Variants in ARMC5 observed in about 807,000 individuals in gnomAD.
ARMC5 encodes the protein armadillo repeat-containing protein 5.
In ARMC5, 28 loss-of-function variants were observed where a neutral mutation model predicts 60.5. The ratio of observed to expected loss-of-function variants is 0.46; its 90% CI spans 0.34 to 0.63. The LOEUF (loss-of-function observed/expected upper bound fraction) is 0.63. ARMC5 is among the 30% of genes least tolerant of loss of function. The probability of loss-of-function intolerance (pLI) is 0.01; values close to 1 mark genes in which losing one functional copy is unlikely to be tolerated. For synonymous variants in ARMC5, 680 were observed against 607.3 expected, an observed-to-expected ratio of 1.12 and a Z score of -1.76; for missense variants, 1,189 against 1,304.9, an observed-to-expected ratio of 0.91 and a Z score of 1.37.
upstream of ARMC5, chr16:31,459,217 C>T (rs2082274784): frequency 9.1e-6 from 14 of 1,532,054 alleles, no homozygotes; most frequent in South Asian, 1.7e-4. Flanking sequence ...GTTCGGAGGC[C>T]CTGGCCCACC....
At chr16:31,460,147 C>T in intron 1 of ARMC5, 148 bp downstream of exon 1, 1 of 836,842 alleles carries the variant, frequency 1.2e-6, no homozygotes, top group Non-Finnish European at 1.9e-6. Context: ...TCTGTTGTGC[C>T]CCGTGACGTC....
upstream of ARMC5, chr16:31,458,366 CCACACTAGG>C (rs1180431851): frequency 3.9e-6 from 6 of 1,529,376 alleles, no homozygotes; most frequent in Non-Finnish European, 5.3e-6. Context: ...GAAAGTCTTA[CCACACTAGG>C]CACAGGCATA....
intron 4 of ARMC5, chr16:31,465,414 A>G: frequency 8.7e-7 from 1 of 1,149,038 alleles, no homozygotes; most frequent in Non-Finnish European, 1.2e-6. Context: ...CTCAGCTCCT[A>G]TCTCTGTATG....
At position 31,466,995 on chromosome 16, in the gene ARMC5, G is replaced by T. The variant is rs908876959; in HGVS notation, c.*106G>T. ...CTGAGCAGAAGGAGTCATCATGGAG[G>T]AGCGGTGAGAACATGGAACCGGACT... On this transcript the variant is annotated 3_prime_UTR_variant, in exon 6 of 6. Transcript: ENST00000268314. This position sits in a 1 kb window ranked among gnomAD's most constrained non-coding sequence, Gnocchi z 8.0. 10 of 1,328,876 alleles carry T rather than the reference G, an allele frequency of 7.5e-6. No homozygotes were observed. In the African/African-American group the frequency reaches 1.0e-4, roughly 14 times the overall value. 82.3% of individuals were successfully genotyped at this position (1,328,876 alleles called of 1,614,324 possible). A position where few individuals can be genotyped will look rare whatever the true frequency, so the allele number is the denominator to read the frequency against.
Position 31,464,296 on chromosome 16 carries a change from A to T in ARMC5, c.1371-98A>T. On this transcript the variant is annotated intron_variant, in intron 3 of 5. Coordinates refer to ENST00000268314, the MANE Select transcript of ARMC5 (RefSeq NM_001105247.2). The surrounding 1 kb of genome is among the most constrained non-coding windows in gnomAD (Gnocchi z 7.6). ...TAGAGGGATACCACATTTCTTTAAA[A>T]AAAAAAAAAAAAAAAAAAAAGACGC... The T allele has an allele frequency of 2.9e-5, 23 of 784,094 alleles. No homozygotes were observed. In the African/African-American group the frequency reaches 4.0e-4, roughly 14 times the overall value. 48.6% of individuals were successfully genotyped at this position (784,094 alleles called of 1,614,324 possible). A position where few individuals can be genotyped will look rare whatever the true frequency, so the allele number is the denominator to read the frequency against.
In ARMC5 at chr16:31,461,680, G is replaced by A. The variant is rs557847505; in HGVS notation, c.476-242G>A. Among the ~76,000 whole-genome samples, 6 of 152,242 alleles carry A rather than the reference G, an allele frequency of 3.9e-5. No individual in the cohort carries two copies. The East Asian group carries it at 7.7e-4, about 20-fold the overall frequency. On this transcript the variant is annotated intron_variant, in intron 1 of 5. Coordinates refer to ENST00000268314, the MANE Select transcript of ARMC5 (RefSeq NM_001105247.2). ...GTACCACCATGCCCAGATAATTTTT[G>A]TATTTTTAGTAGAGATGGGGTTTGG...
In ARMC5 at chr16:31,459,597, G is replaced by A. The variant is rs1158409728; in HGVS notation, c.73G>A (p.Glu25Lys). Residue 25 changes from glutamate (E) to lysine (K), a missense_variant, in exon 1 of 6, where the codon GAG (glutamate) becomes AAG (lysine). Coordinates refer to ENST00000268314, the MANE Select transcript of ARMC5 (RefSeq NM_001105247.2). ...CGCGCAGCTCGCGGCGGCGGCCGGG[G>A]AGGCTCTGGGTGGGGAAAAGGACCC... ...CLAQLAAAAG[E>K]ALGGEKDPAT... 1 of 1,601,484 alleles carries A rather than the reference G, an allele frequency of 6.2e-7. No individual in the cohort carries two copies. The highest frequency in any genetic ancestry group is 8.5e-7 in the Non-Finnish European group (1 of 1,179,446).
At chr16:31,460,812 A>C (rs2082298082) in intron 1 of ARMC5, among the ~76,000 whole-genome samples, 1 of 152,230 alleles carries the variant, frequency 6.6e-6, no homozygotes. Flanking sequence ...AAACCAGCAC[A>C]GTAAGAACAA....
chr16:31,459,223 CCACCTGGAGGGCCCTGGAA>C, upstream of ARMC5: 1 of 1,532,160 alleles, frequency 6.5e-7, no homozygotes, highest in Non-Finnish European at 8.7e-7. Context: ...AGGCCCTGGC[CCACCTGGAGGGCCCTGGAA>C]GAGTTTCCAG....
upstream of ARMC5, chr16:31,459,139 C>A: frequency 1.3e-6 from 2 of 1,491,294 alleles, no homozygotes; most frequent in Non-Finnish European, 8.9e-7. Context: ...GGAGAAAAGG[C>A]GGTCCCCGCC....
rs764956231 is a variant in ARMC5 at position 31,466,460 on chromosome 16, A to G, written c.2379A>G (p.Arg793=). ...CCCAGATGGACCTGGTGCCCCTGCGAGGTCTGTCGCCTGGTGCAGCCTGGC... is the reference window on the plus strand; with the variant it reads ...CCCAGATGGACCTGGTGCCCCTGCGGGGTCTGTCGCCTGGTGCAGCCTGGC... ...AEAQMDLVPL[R]GLSPGAAWPV... Residue 793 remains arginine (R), a synonymous_variant, in exon 6 of 6, where the codon CGA becomes CGG. Coordinates refer to ENST00000268314, the MANE Select transcript of ARMC5 (RefSeq NM_001105247.2). This position sits in a 1 kb window ranked among gnomAD's most constrained non-coding sequence, Gnocchi z 8.0. The G allele has an allele frequency of 1.2e-6, 2 of 1,611,552 alleles. No homozygotes were observed. Among genetic ancestry groups the G allele is most frequent in the African/African-American group, 2.7e-5 (2 of 74,924 alleles).
chr16:31,459,328 C>T (rs1292544270), upstream of ARMC5: 3 of 1,535,192 alleles, frequency 2.0e-6, no homozygotes, highest in African/African-American at 2.7e-5. Flanking sequence ...TCCCAGGATG[C>T]GCTGCGATTA....
chr16:31,465,971 C>T lies in ARMC5; in HGVS notation c.1986C>T (p.Pro662=). Residue 662 remains proline, a synonymous_variant, in exon 5 of 6, where the codon CCC becomes CCT. Coordinates refer to ENST00000268314, the MANE Select transcript of ARMC5 (RefSeq NM_001105247.2). The part of the protein sequence containing the change: ...EDRVACALTL[P]FICRKPSLWR... Reference sequence around the variant, plus strand: ...GAGTGGCCTGCGCGCTGACCCTGCCCTTCATCTGCCGGTGAGTGGGAAGTG... The same window carrying T: ...GAGTGGCCTGCGCGCTGACCCTGCCTTTCATCTGCCGGTGAGTGGGAAGTG... 4 of 1,603,354 alleles carry T rather than the reference C, an allele frequency of 2.5e-6. No individual in the cohort carries two copies. Among genetic ancestry groups the T allele is most frequent in the Non-Finnish European group, 2.5e-6 (3 of 1,178,972 alleles).
chr16:31,465,029 G>T (rs1354337754), intron 4 of ARMC5, 142 bp downstream of exon 4: 13 of 1,612,874 alleles, frequency 8.1e-6, no homozygotes, highest in Admixed American at 3.3e-5. Context: ...CCAGAGTGGG[G>T]TGGGGAGCAG....
In ARMC5 at chr16:31,466,618, G is replaced by GGCTGGAGGAGGA; in HGVS notation, c.2544_2555dup (p.Glu850_Glu853dup). On this transcript the variant is annotated inframe_insertion, in exon 6 of 6. Coordinates refer to ENST00000268314, the MANE Select transcript of ARMC5 (RefSeq NM_001105247.2). This position sits in a 1 kb window ranked among gnomAD's most constrained non-coding sequence, Gnocchi z 8.0. The stretch of plus-strand genomic sequence containing the variant: ...GCTGCTGGCCGTTTCCTACTGCCTG[G>GGCTGGAGGAGGA]GCTGGAGGAGGAGCTGGAAGAGGCC... 1 of 1,602,698 alleles carries GGCTGGAGGAGGA rather than the reference G, an allele frequency of 6.2e-7. No homozygotes were observed. Among genetic ancestry groups the GGCTGGAGGAGGA allele is most frequent in the Non-Finnish European group, 8.5e-7 (1 of 1,175,142 alleles).
intron 4 of ARMC5, chr16:31,465,456 C>T (rs1022966104): frequency 1.4e-5 from 13 of 930,530 alleles, no homozygotes; most frequent in South Asian, 7.7e-5. Context: ...GATTATAGAG[C>T]GAGGATTATT....
Position 31,466,036 on chromosome 16 carries a change from AG to A in ARMC5, c.1998-41del, listed in dbSNP as rs757849897. 7 of 1,591,768 alleles carry A rather than the reference AG, an allele frequency of 4.4e-6. No homozygotes were observed. The highest frequency in any genetic ancestry group is 6.0e-6 in the Non-Finnish European group (7 of 1,175,516). On this transcript the variant is annotated intron_variant, in intron 5 of 5. Coordinates refer to ENST00000268314, the MANE Select transcript of ARMC5 (RefSeq NM_001105247.2). The surrounding 1 kb of genome is among the most constrained non-coding windows in gnomAD (Gnocchi z 8.0). ...TTGGGGGAGGAGTGCTGTGTTTCCC[AG>A]GCCCGTTGCCCACCTTTTGAAAGGC...
chr16:31,458,807 C>T (rs114085993), upstream of ARMC5: 2,426 of 1,530,064 alleles, frequency 1.6e-3, 31 homozygotes, highest in African/African-American at 0.03. Flanking sequence ...CTCGCCTCTT[C>T]TGGCGCGGCC....
chr16:31,459,120 G>T (rs1387001319), upstream of ARMC5: 44 of 1,476,768 alleles, frequency 3.0e-5, no homozygotes, highest in Non-Finnish European at 3.8e-5. Context: ...GCAGCGAAGC[G>T]AGCCTAGAGG....
Sources: allele counts gnomAD v4.1 joint callset (sites outside exome capture counted in the v4.1 genomes callset), GRCh38; gene constraint gnomAD v4.1.1; non-coding constraint Gnocchi (gnomAD v3.1); transcripts MANE v1.5; gene names NCBI Gene and HGNC (gene_info 2026-07-23, HGNC 2026-07-21).